CLVS1: variants seen among roughly 807,000 people sequenced by gnomAD.
The protein encoded by CLVS1 is clavesin 1.
Under a neutral mutation model 33.1 loss-of-function variants are expected in CLVS1, and 10 were observed. The observed-to-expected ratio is 0.30, with a 90% CI of 0.19 to 0.51. CLVS1 has a LOEUF of 0.51. CLVS1 is among the 20% of genes least tolerant of loss of function. The pLI is 0.97. For missense variants in CLVS1, 343 were observed against 433.4 expected (o/e 0.79, Z 1.85); for synonymous variants, 163 against 166.1 (o/e 0.98, Z 0.14).
chr8:61,130,813 G>T (rs561992617), intron 1 of CLVS1, among the ~76,000 whole-genome samples: 1 of 152,316 alleles, frequency 6.6e-6, no homozygotes, highest in South Asian at 2.1e-4. Context: ...CTGGAAGATT[G>T]CTGCCAGAGG....
At chr8:61,033,813 C>T in the CLVS1 span, among the ~76,000 whole-genome samples, 1 of 152,176 alleles carries the variant, frequency 6.6e-6, no homozygotes, top group African/African-American at 2.4e-5. Context: ...CTGCACCAAC[C>T]CTGACAGATG....
At chr8:61,253,560 A>G (rs1408074762) in intron 2 of CLVS1, among the ~76,000 whole-genome samples, 1 of 152,194 alleles carries the variant, frequency 6.6e-6, no homozygotes, top group Non-Finnish European at 1.5e-5. Context: ...AGGTACACCA[A>G]TCAGACGTAG....
At chr8:61,214,827 T>C (rs1808050831) in intron 2 of CLVS1, among the ~76,000 whole-genome samples, 1 of 152,218 alleles carries the variant, frequency 6.6e-6, no homozygotes, top group African/African-American at 2.4e-5. Flanking sequence ...ATGAGAATTC[T>C]GGCCCACTTG....
At chr8:61,017,142 G>A in the CLVS1 span, among the ~76,000 whole-genome samples, 16 of 152,208 alleles carry the variant, frequency 1.1e-4, no homozygotes, top group African/African-American at 3.6e-4. Context: ...AGCCGAGCCT[G>A]GTGGGATTTT....
chr8:61,189,545 A>G (rs7832727), intron 2 of CLVS1, among the ~76,000 whole-genome samples: 114,007 of 152,074 alleles, frequency 0.75, 43,636 homozygotes, highest in Middle Eastern at 0.9. Context: ...ATGTAAATGG[A>G]CTAAATGCTC....
chr8:61,353,791 C>T (rs1299994242), intron 2 of CLVS1, among the ~76,000 whole-genome samples: 2 of 148,908 alleles, frequency 1.3e-5, no homozygotes, highest in Non-Finnish European at 3.0e-5. Context: ...AAAATCCATG[C>T]AAAAAGTTGG....
intron 3 of CLVS1, among the ~76,000 whole-genome samples, chr8:61,431,178 A>T (rs1297377887): frequency 1.3e-5 from 2 of 152,168 alleles, no homozygotes; most frequent in African/African-American, 4.8e-5. Flanking sequence ...AAACTTCCTC[A>T]TGTGGATTTT....
chr8:61,138,055 G>A (rs374589026), intron 2 of CLVS1, among the ~76,000 whole-genome samples: 1 of 152,226 alleles, frequency 6.6e-6, no homozygotes, highest in South Asian at 2.1e-4. Flanking sequence ...AAGAAACTCA[G>A]ACCTGGAGAG....
At chr8:61,199,138 C>G (rs1318017744) in intron 2 of CLVS1, among the ~76,000 whole-genome samples, 1 of 152,138 alleles carries the variant, frequency 6.6e-6, no homozygotes, top group Non-Finnish European at 1.5e-5. Flanking sequence ...TTTGAGAAAT[C>G]TTCATACTGT....
chr8:61,407,824 GAAGT>G (rs1815050100), intron 3 of CLVS1, among the ~76,000 whole-genome samples: 1 of 152,200 alleles, frequency 6.6e-6, no homozygotes, highest in Non-Finnish European at 1.5e-5. Flanking sequence ...TGATCAACAA[GAAGT>G]AAGGGCCAAG....
intron 2 of CLVS1, among the ~76,000 whole-genome samples, chr8:61,260,596 T>C (rs147197292): frequency 1.7e-4 from 26 of 152,280 alleles, no homozygotes; most frequent in Non-Finnish European, 3.5e-4. Flanking sequence ...TAATAGGATC[T>C]GGAGTGGGCA....
At chr8:61,060,145 T>G (rs1804559081) in intron 1 of CLVS1, among the ~76,000 whole-genome samples, 1 of 152,158 alleles carries the variant, frequency 6.6e-6, no homozygotes, top group African/African-American at 2.4e-5. Context: ...TTTTCGTCCT[T>G]AGCAGCTTAG....
intron 3 of CLVS1, among the ~76,000 whole-genome samples, chr8:61,452,862 T>C (rs1225792308): frequency 6.6e-6 from 1 of 152,220 alleles, no homozygotes; most frequent in Non-Finnish European, 1.5e-5. Context: ...ATGGCAACCC[T>C]TAAGTGCAGT....
At chr8:61,371,285 A>G (rs571827081) in intron 2 of CLVS1, among the ~76,000 whole-genome samples, 1 of 152,228 alleles carries the variant, frequency 6.6e-6, no homozygotes, top group African/African-American at 2.4e-5. Flanking sequence ...CCCTTTGTAT[A>G]TCTTCTTTTG....
At chr8:61,257,697 G>C (rs1399854380) in intron 2 of CLVS1, among the ~76,000 whole-genome samples, 1 of 152,122 alleles carries the variant, frequency 6.6e-6, no homozygotes, top group Non-Finnish European at 1.5e-5. Flanking sequence ...GAAGAAACTG[G>C]CAAAAGGAAC....
intron 2 of CLVS1, among the ~76,000 whole-genome samples, chr8:61,155,616 A>G (rs138678967): frequency 6.6e-6 from 1 of 152,122 alleles, no homozygotes; most frequent in Admixed American, 6.5e-5. Flanking sequence ...TAACCCCAAA[A>G]TATACATCTT....
intron 5 of CLVS1, among the ~76,000 whole-genome samples, chr8:61,459,341 T>G (rs1817277995): frequency 6.6e-6 from 1 of 152,152 alleles, no homozygotes; most frequent in South Asian, 2.1e-4. Context: ...TAAAACCTGA[T>G]TTTTAAAATT....
chr8:61,490,648 A>AC (rs1193516929), intron 5 of CLVS1, among the ~76,000 whole-genome samples: 51 of 120,856 alleles, frequency 4.2e-4, no homozygotes, highest in Middle Eastern at 0.01. Flanking sequence ...ACAGAGCGAG[A>AC]TCCGTCTCAA....
intron 2 of CLVS1, among the ~76,000 whole-genome samples, chr8:61,271,827 A>G (rs2129592743): frequency 6.7e-6 from 1 of 150,242 alleles, no homozygotes; most frequent in East Asian, 2.0e-4. Context: ...ATCAGAGACT[A>G]GGATTGCAAC....
Sources: gnomAD v4.1 joint callset for allele counts (sites outside exome capture counted in the v4.1 genomes callset) on GRCh38, gnomAD v4.1.1 for gene constraint, MANE v1.5 for transcripts, NCBI Gene and HGNC (gene_info 2026-07-23, HGNC 2026-07-21) for gene names.